The following DNM3 variants were observed in gnomAD, a reference collection of about 807,000 sequenced individuals.
DNM3 encodes dynamin-3.
A neutral mutation model predicts 101.6 loss-of-function variants in DNM3; 47 were observed. That is an observed-to-expected ratio of 0.46 (90% CI 0.37 to 0.59). DNM3 has a LOEUF of 0.59. Among genes scored for constraint, DNM3 ranks in the 20% least tolerant of loss-of-function variants. The pLI is 0.00. For synonymous variants in DNM3, 385 were observed against 387.9 expected (o/e 0.99, Z 0.09); for missense variants, 849 against 1,085.7 (o/e 0.78, Z 3.06).
At chr1:172,218,770 A>G (rs1246869549) in intron 14 of DNM3, among the ~76,000 whole-genome samples, 1 of 152,158 alleles carries the variant, frequency 6.6e-6, no homozygotes, top group Non-Finnish European at 1.5e-5. Context: ...AAGAAGAGTC[A>G]GTAACTGTTG....
chr1:172,218,132 C>A (rs2060772378), intron 14 of DNM3, among the ~76,000 whole-genome samples: 1 of 152,088 alleles, frequency 6.6e-6, no homozygotes, highest in African/African-American at 2.4e-5. Flanking sequence ...ATTCTCTAGA[C>A]ATAATCTCAG....
chr1:172,134,568 T>G (rs2057116026), intron 14 of DNM3, among the ~76,000 whole-genome samples: 1 of 152,156 alleles, frequency 6.6e-6, no homozygotes. Context: ...AACAATTACT[T>G]TCTGAACACT....
chr1:172,365,881 G>C (rs966386339), intron 17 of DNM3, among the ~76,000 whole-genome samples: 1 of 151,846 alleles, frequency 6.6e-6, no homozygotes, highest in African/African-American at 2.4e-5. Flanking sequence ...AAGAGTAATG[G>C]CTTTAAAAAC....
chr1:172,233,989 G>A (rs1320396357), intron 14 of DNM3, among the ~76,000 whole-genome samples: 1 of 152,292 alleles, frequency 6.6e-6, no homozygotes, highest in East Asian at 1.9e-4. Context: ...ACAAGACAGG[G>A]ATGCCCTCTC....
chr1:172,044,974 A>G (rs1172495502), intron 9 of DNM3, among the ~76,000 whole-genome samples: 2 of 148,988 alleles, frequency 1.3e-5, no homozygotes, highest in African/African-American at 2.5e-5. Flanking sequence ...GTGTGATGAG[A>G]CAGGAGAGGA....
intron 13 of DNM3, among the ~76,000 whole-genome samples, chr1:172,115,380 G>A (rs752275664): frequency 6.6e-6 from 1 of 152,076 alleles, no homozygotes. Context: ...CCTCCCTCCT[G>A]CTTCTCCTCT....
intron 1 of DNM3, 141 bp downstream of exon 1, chr1:171,841,958 G>A: frequency 1.4e-5 from 5 of 346,532 alleles, no homozygotes; most frequent in South Asian, 4.8e-5. Context: ...GGAATGGGGG[G>A]CAGAGTGGCG....
At chr1:172,060,717 A>C (rs1243555128) in intron 10 of DNM3, among the ~76,000 whole-genome samples, 34 of 79,708 alleles carry the variant, frequency 4.3e-4, no homozygotes, top group African/African-American at 1.9e-3. Flanking sequence ...TAAAGACTTA[A>C]ATGTTAGACC....
chr1:172,304,222 A>AAAAAAAAAAAAAAAAAAAAAAC lies in DNM3; in HGVS notation c.1770-4506_1770-4505insAAAAAAAAAAAAAAAAAAAAAC, dbSNP rs745651671. Among the ~76,000 whole-genome samples, 53 of 128,974 alleles carry AAAAAAAAAAAAAAAAAAAAAAC rather than the reference A, an allele frequency of 4.1e-4. 7 individuals are homozygous for AAAAAAAAAAAAAAAAAAAAAAC. The highest frequency in any genetic ancestry group is 1.6e-3 in the African/African-American group (46 of 28,624). 84.6% of individuals were successfully genotyped at this position (128,974 alleles called of 152,430 possible). On this transcript the variant is annotated intron_variant, in intron 15 of 20. Coordinates refer to ENST00000627582, the MANE Select transcript of DNM3 (RefSeq NM_015569.5). ...AAAGGAAAGCAAAAAAAAAAAAAAA[A>AAAAAAAAAAAAAAAAAAAAAAC]CAGGAGTTGCAATCCTAGTCTCTGA...
intron 17 of DNM3, among the ~76,000 whole-genome samples, chr1:172,349,437 C>T (rs1327326121): frequency 6.6e-6 from 1 of 152,132 alleles, no homozygotes; most frequent in East Asian, 1.9e-4. Flanking sequence ...GGTACAGAGA[C>T]AGCTTTTATA....
At chr1:172,287,776 A>G (rs2063753961) in intron 15 of DNM3, among the ~76,000 whole-genome samples, 1 of 145,266 alleles carries the variant, frequency 6.9e-6, no homozygotes, top group Non-Finnish European at 1.5e-5. Flanking sequence ...TATTTATAAT[A>G]TATATAAAAT....
intron 14 of DNM3, among the ~76,000 whole-genome samples, chr1:172,240,893 A>G (rs1321732099): frequency 6.6e-6 from 1 of 152,150 alleles, no homozygotes; most frequent in Non-Finnish European, 1.5e-5. Flanking sequence ...ACCATTAAGC[A>G]TTTGAAATGG....
chr1:172,266,202 A>T (rs1030008087), intron 15 of DNM3, among the ~76,000 whole-genome samples: 4 of 152,180 alleles, frequency 2.6e-5, no homozygotes, highest in Admixed American at 1.3e-4. Flanking sequence ...TTGTTCATTT[A>T]TATACCTCTA....
intron 13 of DNM3, among the ~76,000 whole-genome samples, chr1:172,114,163 TGGAGAGAGGTAATA>T (rs1233302554): frequency 6.6e-6 from 1 of 152,134 alleles, no homozygotes; most frequent in East Asian, 1.9e-4. Flanking sequence ...AGGGGCAGTG[TGGAGAGAGGTAATA>T]GGAGAACCTC....
intron 14 of DNM3, chr1:172,136,891 C>T (rs1227987172): frequency 6.6e-6 from 1 of 151,970 alleles, no homozygotes; most frequent in Non-Finnish European, 1.5e-5. Context: ...AAAATACATA[C>T]AAAACATTCT....
At chr1:172,394,752 G>A (rs1453052036) in intron 20 of DNM3, among the ~76,000 whole-genome samples, 2 of 152,194 alleles carry the variant, frequency 1.3e-5, no homozygotes, top group East Asian at 1.9e-4. Context: ...CCACTGGCCA[G>A]TGAAAAATGC....
intron 17 of DNM3, among the ~76,000 whole-genome samples, chr1:172,351,331 G>T (rs1291288013): frequency 6.6e-6 from 1 of 152,136 alleles, no homozygotes; most frequent in Non-Finnish European, 1.5e-5. Context: ...GAGTTCCAAA[G>T]CTTCTGCTAT....
At chr1:172,001,674 A>G (rs994407175) in intron 4 of DNM3, among the ~76,000 whole-genome samples, 1 of 152,008 alleles carries the variant, frequency 6.6e-6, no homozygotes, top group Non-Finnish European at 1.5e-5. Context: ...AAACCATCCC[A>G]AGAGGAATGT....
intron 15 of DNM3, among the ~76,000 whole-genome samples, chr1:172,261,712 G>A (rs987402219): frequency 6.6e-6 from 1 of 152,256 alleles, no homozygotes; most frequent in African/African-American, 2.4e-5. Flanking sequence ...CCCTGTGGTA[G>A]CAGTGGCTGC....
Sources: allele counts gnomAD v4.1 joint callset (sites outside exome capture counted in the v4.1 genomes callset), GRCh38; gene constraint gnomAD v4.1.1; transcripts MANE v1.5; gene names NCBI Gene and HGNC (gene_info 2026-07-23, HGNC 2026-07-21).